The following SGCZ variants were observed in gnomAD, a reference collection of about 807,000 sequenced individuals.
SGCZ encodes zeta-sarcoglycan.
Under a neutral mutation model 41.3 loss-of-function variants are expected in SGCZ, and 40 were observed. That is an observed-to-expected ratio of 0.97 (90% CI 0.75 to 1.26). SGCZ has a LOEUF of 1.26. SGCZ is among the 50% of genes most tolerant of loss of function. SGCZ has a pLI of 0.00. For synonymous variants in SGCZ, 206 were observed against 137.5 expected (o/e 1.50, Z -3.49); for missense variants, 552 against 369.8 (o/e 1.49, Z -4.04).
At chr8:14,315,503 A>T (rs1277219541) in intron 3 of SGCZ, among the ~76,000 whole-genome samples, 1 of 152,130 alleles carries the variant, frequency 6.6e-6, no homozygotes, top group African/African-American at 2.4e-5. Context: ...AAAAACAGTC[A>T]AAGCAAAGTT....
chr8:15,066,332 A>G (rs913821123), intron 1 of SGCZ, among the ~76,000 whole-genome samples: 6 of 151,680 alleles, frequency 4.0e-5, no homozygotes, highest in South Asian at 2.1e-4. Context: ...AAAAAAAAAA[A>G]AAGAAGTCCA....
chr8:14,495,349 C>T (rs1801959280), intron 2 of SGCZ, among the ~76,000 whole-genome samples: 1 of 152,160 alleles, frequency 6.6e-6, no homozygotes, highest in Admixed American at 6.5e-5. Context: ...AAAAATATGT[C>T]TGCTGAATAA....
At chr8:14,239,815 T>C (rs374635080) in intron 3 of SGCZ, among the ~76,000 whole-genome samples, 4,220 of 136,862 alleles carry the variant, frequency 0.031, 106 homozygotes, top group Middle Eastern at 0.073. Flanking sequence ...GGCAGGAGAA[T>C]GGCGTGAACC....
At chr8:15,063,215 A>G (rs1474713811) in intron 1 of SGCZ, among the ~76,000 whole-genome samples, 1 of 152,158 alleles carries the variant, frequency 6.6e-6, no homozygotes, top group Non-Finnish European at 1.5e-5. Context: ...AACAGAGTCC[A>G]GAGAAATTGA....
chr8:14,336,370 T>C, intron 2 of SGCZ, among the ~76,000 whole-genome samples: 1 of 152,314 alleles, frequency 6.6e-6, no homozygotes, highest in Admixed American at 6.5e-5. Context: ...TTCTATGTCT[T>C]TGATATTATG....
At chr8:14,830,894 T>C (rs560820652) in intron 1 of SGCZ, among the ~76,000 whole-genome samples, 6 of 152,296 alleles carry the variant, frequency 3.9e-5, no homozygotes, top group East Asian at 1.9e-4. Flanking sequence ...GAAAAGGAAA[T>C]TATCAGAGCT....
chr8:14,456,350 G>A (rs987400229), intron 2 of SGCZ, among the ~76,000 whole-genome samples: 1 of 152,192 alleles, frequency 6.6e-6, no homozygotes, highest in African/African-American at 2.4e-5. Flanking sequence ...AGAGGTTGCA[G>A]AGAGCCAAGA....
chr8:14,952,344 T>C (rs1800667157), intron 1 of SGCZ, among the ~76,000 whole-genome samples: 1 of 152,066 alleles, frequency 6.6e-6, no homozygotes, highest in African/African-American at 2.4e-5. Flanking sequence ...TTTTTCCTTT[T>C]TTTTCCTACT....
At chr8:14,833,452 T>C (rs555226975) in intron 1 of SGCZ, among the ~76,000 whole-genome samples, 2 of 152,336 alleles carry the variant, frequency 1.3e-5, no homozygotes, top group East Asian at 3.9e-4. Context: ...TGAACTTTTC[T>C]GACCCATTGA....
intron 2 of SGCZ, among the ~76,000 whole-genome samples, chr8:14,387,098 T>C (rs1464887795): frequency 6.6e-6 from 1 of 152,230 alleles, no homozygotes; most frequent in Non-Finnish European, 1.5e-5. Context: ...AGGGTCTCAC[T>C]CTTTGGCTCA....
At chr8:14,734,864 G>A (rs1325254316) in intron 1 of SGCZ, among the ~76,000 whole-genome samples, 1 of 151,934 alleles carries the variant, frequency 6.6e-6, no homozygotes, top group African/African-American at 2.4e-5. Flanking sequence ...AAAATTAACT[G>A]CTAAACAATT....
At chr8:14,526,372 G>A (rs530805579) in intron 2 of SGCZ, among the ~76,000 whole-genome samples, 63 of 152,140 alleles carry the variant, frequency 4.1e-4, no homozygotes, top group African/African-American at 1.0e-3. Context: ...GATGACAGCC[G>A]TCCCAAAGAT....
intron 1 of SGCZ, among the ~76,000 whole-genome samples, chr8:14,880,902 T>A (rs142807295): frequency 0.05 from 7,533 of 152,014 alleles, 219 homozygotes; most frequent in Non-Finnish European, 0.061. Flanking sequence ...CATGTATACA[T>A]ATGTAACAAA....
intron 2 of SGCZ, among the ~76,000 whole-genome samples, chr8:14,473,023 G>C (rs1355793807): frequency 6.6e-6 from 1 of 152,024 alleles, no homozygotes; most frequent in African/African-American, 2.4e-5. Flanking sequence ...AATATAAATA[G>C]TATTTTACAT....
chr8:14,755,823 G>A (rs181470237), intron 1 of SGCZ, among the ~76,000 whole-genome samples: 1 of 151,616 alleles, frequency 6.6e-6, no homozygotes, highest in Non-Finnish European at 1.5e-5. Flanking sequence ...TGTAAAACAG[G>A]CACTATGCCA....
chr8:15,095,543 T>C (rs1806315172), intron 1 of SGCZ, among the ~76,000 whole-genome samples: 1 of 152,246 alleles, frequency 6.6e-6, no homozygotes, highest in African/African-American at 2.4e-5. Context: ...TTCGTAGTTT[T>C]ACTTAAATGA....
At position 14,932,308 on chromosome 8, in the gene SGCZ, A is replaced by G. The variant is rs77166001; in HGVS notation, c.39+305277T>C. 4.4e-4 allele frequency among the ~76,000 whole-genome samples: 67 copies of G among 152,114 alleles called. No homozygotes were observed. In the East Asian group the frequency reaches 0.012, roughly 26 times the overall value. On this transcript the variant is annotated intron_variant, in intron 1 of 7. Coordinates refer to ENST00000382080, the MANE Select transcript of SGCZ (RefSeq NM_139167.4). ...TATAAAACTTCTCGATTTCTTCATA[A>G]GTAGCTTCTGGCAAACTCTAGTAAC... is the stretch of plus-strand genomic sequence containing the variant.
At chr8:14,129,378 C>T (rs1424310850) in intron 5 of SGCZ, among the ~76,000 whole-genome samples, 1 of 139,688 alleles carries the variant, frequency 7.2e-6, no homozygotes, top group Admixed American at 7.1e-5. Context: ...AAAAAATCTG[C>T]TCTTGTACTC....
chr8:15,206,457 T>TTC (rs1801069798), intron 1 of SGCZ, among the ~76,000 whole-genome samples: 1 of 150,348 alleles, frequency 6.7e-6, no homozygotes, highest in Non-Finnish European at 1.5e-5. Flanking sequence ...GGAGTCTTTT[T>TTC]TTTTTTTTCT....
Sources: allele counts gnomAD v4.1 joint callset (sites outside exome capture counted in the v4.1 genomes callset), GRCh38; gene constraint gnomAD v4.1.1; transcripts MANE v1.5; gene names NCBI Gene and HGNC (gene_info 2026-07-23, HGNC 2026-07-21).